FXN: variants seen among roughly 807,000 people sequenced by gnomAD.
FXN encodes the protein frataxin, mitochondrial.
In FXN, 14 loss-of-function variants were observed where a neutral mutation model predicts 22.4. The observed-to-expected ratio is 0.62, with a 90% confidence interval of 0.41 to 0.98. FXN has a LOEUF of 0.98. Ranked by LOEUF, FXN falls within the 50% of genes least tolerant of loss-of-function variation. The probability of loss-of-function intolerance (pLI) is 0.00; values close to 1 mark genes in which losing one functional copy is unlikely to be tolerated. For synonymous variants in FXN, 120 were observed against 114.1 expected, an observed-to-expected ratio of 1.05 and a Z score of -0.33; for missense variants, 267 against 268.4, an observed-to-expected ratio of 0.99 and a Z score of 0.04.
At chr9:69,053,873 C>T (rs1831906566) in intron 3 of FXN, among the ~76,000 whole-genome samples, 1 of 152,184 alleles carries the variant, frequency 6.6e-6, no homozygotes. Context: ...TTGAAAAGCT[C>T]ACCTGGGATT....
intron 4 of FXN, among the ~76,000 whole-genome samples, chr9:69,066,399 C>T (rs1832166391): frequency 6.6e-6 from 1 of 152,152 alleles, no homozygotes. Context: ...TTCCTTTCCC[C>T]ACACTTTCAT....
At chr9:69,066,715 C>G (rs1423587460) in intron 4 of FXN, among the ~76,000 whole-genome samples, 1 of 152,120 alleles carries the variant, frequency 6.6e-6, no homozygotes, top group Non-Finnish European at 1.5e-5. Flanking sequence ...CCCAAAAGAA[C>G]TTTCCCCATA....
chr9:69,058,077 C>T lies in FXN; in HGVS notation c.384+4817C>T, dbSNP rs147493523. Among the ~76,000 whole-genome samples the T allele has an allele frequency of 3.3e-3, 499 of 152,312 alleles. 2 individuals carry two copies. Among genetic ancestry groups the T allele is most frequent in the African/African-American group, 0.011 (448 of 41,568 alleles). ...ACACCTTTTACCAACTCGCTACTGG[C>T]CACATAGACAAATGAAAGCAGTAAT... On this transcript the variant is annotated intron_variant, in intron 3 of 4. Coordinates refer to ENST00000484259, the MANE Select transcript of FXN (RefSeq NM_000144.5).
In FXN at chr9:69,067,430, C is replaced by T. The variant is rs573808388; in HGVS notation, c.482+2395C>T. On this transcript the variant is annotated intron_variant, in intron 4 of 4. Coordinates refer to ENST00000484259, the MANE Select transcript of FXN (RefSeq NM_000144.5). ...TTATACCTGTGGCAAATGGCATGAC[C>T]AGACACACGGTTATGTCTGGAGAAA... Among the ~76,000 whole-genome samples the T allele has an allele frequency of 2.0e-5, 3 of 152,346 alleles. No homozygotes were observed. In the East Asian group the frequency reaches 5.8e-4, roughly 29 times the overall value.
intron 3 of FXN, among the ~76,000 whole-genome samples, chr9:69,060,107 G>T (rs111928396): frequency 6.6e-6 from 1 of 152,134 alleles, no homozygotes; most frequent in African/African-American, 2.4e-5. Context: ...GGTGGCTCAC[G>T]CCTGTAATCC....
intron 2 of FXN, among the ~76,000 whole-genome samples, chr9:69,051,285 G>A (rs551560898): frequency 5.9e-5 from 9 of 151,988 alleles, no homozygotes; most frequent in African/African-American, 1.7e-4. Flanking sequence ...TGGTAGAGAC[G>A]GGGTCTCTGT....
chr9:69,075,622 C>T lies in FXN; in HGVS notation c.*2860C>T. 4 of 985,276 alleles carry T rather than the reference C, an allele frequency of 4.1e-6. No individual in the cohort carries two copies. In the South Asian group the frequency reaches 1.9e-4, roughly 46 times the overall value. 61.0% of individuals were successfully genotyped at this position (985,276 alleles called of 1,614,324 possible). A position where few individuals can be genotyped will look rare whatever the true frequency, so the allele number is the denominator to read the frequency against. ...AGCATCGCCTCATTTATGGTGTGGT[C>T]CAGTCATCCATGTGAAGGATGAGTT... On this transcript the variant is annotated 3_prime_UTR_variant, in exon 5 of 5. Coordinates refer to ENST00000484259, the MANE Select transcript of FXN (RefSeq NM_000144.5).
At chr9:69,041,593 C>T (rs1831657195) in intron 1 of FXN, among the ~76,000 whole-genome samples, 1 of 152,206 alleles carries the variant, frequency 6.6e-6, no homozygotes, top group Non-Finnish European at 1.5e-5. Flanking sequence ...CCAGTTCATC[C>T]TCCCCTGCGA....
intron 1 of FXN, among the ~76,000 whole-genome samples, chr9:69,039,704 G>A (rs1294002368): frequency 2.0e-5 from 3 of 152,136 alleles, no homozygotes; most frequent in Non-Finnish European, 4.4e-5. Context: ...CGTCTTTAAC[G>A]TTTCCTCTTA....
chr9:69,055,846 T>C (rs1209680989), intron 3 of FXN, among the ~76,000 whole-genome samples: 2 of 150,748 alleles, frequency 1.3e-5, no homozygotes, highest in African/African-American at 2.4e-5. Flanking sequence ...CAAATATATT[T>C]ATATTTAATT....
rs1308465256 is a variant in FXN at position 69,074,028 on chromosome 9, A to G, written c.*1266A>G. The stretch of plus-strand genomic sequence containing the variant: ...ATGAAACCCCGTCTCTACTAAAAAT[A>G]CAAAAAATTAGCCGGGCATGATGGC... On this transcript the variant is annotated 3_prime_UTR_variant, in exon 5 of 5. Transcript: ENST00000484259. The G allele has an allele frequency of 1.4e-5, 5 of 357,584 alleles. No homozygotes were observed. The highest frequency in any genetic ancestry group is 1.3e-4 in the Admixed American group (2 of 15,504). 22.2% of individuals were successfully genotyped at this position (357,584 alleles called of 1,614,324 possible).
intron 2 of FXN, among the ~76,000 whole-genome samples, chr9:69,052,913 C>T (rs550627495): frequency 8.7e-5 from 13 of 148,892 alleles, no homozygotes; most frequent in Admixed American, 8.2e-4. Context: ...AGCTGAGGCA[C>T]GTGGTGGATC....
chr9:69,059,268 G>A lies in FXN; in HGVS notation c.385-5670G>A, dbSNP rs1224018620. On this transcript the variant is annotated intron_variant, in intron 3 of 4. Coordinates refer to ENST00000484259, the MANE Select transcript of FXN (RefSeq NM_000144.5). ...ATCCGAACTCAAAATAGGTAAGGAG[G>A]CAGTTTTAGCTACACTTAAGTTAAC... 2.0e-5 allele frequency among the ~76,000 whole-genome samples: 3 copies of A among 151,998 alleles called. No homozygotes were observed. The East Asian group carries it at 5.8e-4, about 29-fold the overall frequency.
intron 3 of FXN, among the ~76,000 whole-genome samples, chr9:69,060,325 C>T (rs948853528): frequency 2.0e-5 from 3 of 150,896 alleles, no homozygotes; most frequent in Non-Finnish European, 2.9e-5. Flanking sequence ...GAACCAAGAT[C>T]GAGCCACTGC....
rs539574318 is a variant in FXN, at chr9:69,065,226, C to A, written c.482+191C>A. ...AACCATCCTGGGCAACATAGTGAGT[C>A]CCTGTCTCTGTAAAGAAAATAAAAA... On this transcript the variant is annotated intron_variant, in intron 4 of 4. Transcript: ENST00000484259. 7.9e-5 allele frequency among the ~76,000 whole-genome samples: 12 copies of A among 152,142 alleles called. No individual in the cohort carries two copies. In the East Asian group the frequency reaches 2.3e-3, roughly 29 times the overall value.
In FXN at chr9:69,076,082, G is replaced by A. The variant is rs1191604268; in HGVS notation, c.*3320G>A. The A allele has an allele frequency of 3.0e-6, 3 of 984,532 alleles. No individual in the cohort carries two copies. Among genetic ancestry groups the A allele is most frequent in the Non-Finnish European group, 3.6e-6 (3 of 829,290 alleles). The allele number at this position is 984,532 out of a possible 1,614,324, so 61.0% of individuals were successfully genotyped here. On this transcript the variant is annotated 3_prime_UTR_variant, in exon 5 of 5. Transcript: ENST00000484259. The stretch of plus-strand genomic sequence containing the variant: ...CATAGAAAATAAAATGTTCTGGCAT[G>A]ACTTATTTAGCTCTCTGGAATTACA...
At chr9:69,058,605 A>G (rs1210977962) in intron 3 of FXN, among the ~76,000 whole-genome samples, 4 of 152,020 alleles carry the variant, frequency 2.6e-5, no homozygotes, top group African/African-American at 4.8e-5. Context: ...CCTGTTAAAA[A>G]AAAAAAAAAC....
At position 69,075,344 on chromosome 9, in the gene FXN, C is replaced by T; in HGVS notation, c.*2582C>T. Reference sequence around the variant, plus strand: ...GCGTGGTGGTTCGTGCCTATAATTTCAGCTACTCAGGAGGCTGAGGCAGGA... The same window carrying T: ...GCGTGGTGGTTCGTGCCTATAATTTTAGCTACTCAGGAGGCTGAGGCAGGA... On this transcript the variant is annotated 3_prime_UTR_variant, in exon 5 of 5. Coordinates refer to ENST00000484259, the MANE Select transcript of FXN (RefSeq NM_000144.5). The T allele has an allele frequency of 1.7e-6, 1 of 581,680 alleles. No homozygotes were observed. Among genetic ancestry groups the T allele is most frequent in the Non-Finnish European group, 2.2e-6 (1 of 461,740 alleles). The allele number at this position is 581,680 out of a possible 1,614,324, so 36.0% of individuals were successfully genotyped here.
Position 69,076,062 on chromosome 9 carries a change from A to G in FXN, c.*3300A>G. 1.0e-6 allele frequency: 1 copy of G among 984,484 alleles called. No homozygotes were observed. The highest frequency in any genetic ancestry group is 1.2e-6 in the Non-Finnish European group (1 of 829,086). 61.0% of individuals were successfully genotyped at this position (984,484 alleles called of 1,614,324 possible). A position where few individuals can be genotyped will look rare whatever the true frequency, so the allele number is the denominator to read the frequency against. On this transcript the variant is annotated 3_prime_UTR_variant, in exon 5 of 5. Coordinates refer to ENST00000484259, the MANE Select transcript of FXN (RefSeq NM_000144.5). Reference sequence around the variant, plus strand: ...AGTGGGTAGAACCTCAGCCACATAGAAAATAAAATGTTCTGGCATGACTTA... The same window carrying G: ...AGTGGGTAGAACCTCAGCCACATAGGAAATAAAATGTTCTGGCATGACTTA...
Sources: gnomAD v4.1 joint callset for allele counts (sites outside exome capture counted in the v4.1 genomes callset) on GRCh38, gnomAD v4.1.1 for gene constraint, MANE v1.5 for transcripts, NCBI Gene and HGNC (gene_info 2026-07-23, HGNC 2026-07-21) for gene names.